Variants in TUBGCP3 observed in about 807,000 individuals in gnomAD.
The protein encoded by TUBGCP3 is gamma-tubulin complex component 3.
A neutral mutation model predicts 123.1 loss-of-function variants in TUBGCP3; 50 were observed. The observed-to-expected ratio is 0.41, with a 90% CI of 0.32 to 0.51. The LOEUF (loss-of-function observed/expected upper bound fraction) is 0.51. Ranked by LOEUF, TUBGCP3 falls within the 20% of genes least tolerant of loss-of-function variation. TUBGCP3 has a pLI of 0.36. For synonymous variants in TUBGCP3, 405 were observed against 413.9 expected (o/e 0.98, Z 0.26); for missense variants, 882 against 1,127.0 (o/e 0.78, Z 3.11).
At chr13:112,590,662 T>C (rs1229946314), upstream of TUBGCP3, among the ~76,000 whole-genome samples, 3 of 152,174 alleles carry the variant, frequency 2.0e-5, no homozygotes, top group South Asian at 2.1e-4. Context: ...TCAAGAACTT[T>C]ATAGCAACAG....
intron 11 of TUBGCP3, among the ~76,000 whole-genome samples, chr13:112,540,486 A>T (rs9604346): frequency 2.0e-5 from 2 of 97,622 alleles, no homozygotes; most frequent in South Asian, 3.6e-4. Context: ...CATTCAGGTG[A>T]TCTTGGGAAA....
intron 1 of TUBGCP3, among the ~76,000 whole-genome samples, chr13:112,577,600 A>G (rs1392015954): frequency 6.6e-6 from 1 of 152,204 alleles, no homozygotes; most frequent in Non-Finnish European, 1.5e-5. Context: ...GGAAATCTAA[A>G]TAACTATGGA....
chr13:112,540,844 G>C (rs1392363069), intron 11 of TUBGCP3, among the ~76,000 whole-genome samples: 2 of 152,224 alleles, frequency 1.3e-5, no homozygotes, highest in Admixed American at 1.3e-4. Flanking sequence ...TTGCCAATGA[G>C]GCAAGACCTG....
chr13:112,554,836 G>T, intron 7 of TUBGCP3, 51 bp downstream of exon 7: 2 of 1,349,076 alleles, frequency 1.5e-6, no homozygotes, highest in South Asian at 1.3e-5. Flanking sequence ...TGGACTTCAT[G>T]ACATGTTTTT....
intron 3 of TUBGCP3, among the ~76,000 whole-genome samples, chr13:112,562,373 T>C (rs1880587013): frequency 6.6e-6 from 1 of 152,136 alleles, no homozygotes; most frequent in Non-Finnish European, 1.5e-5. Context: ...ACCAGAGAGA[T>C]CAGGCTGGAG....
rs373650526 is a variant in TUBGCP3 at position 112,510,356 on chromosome 13, T to A, written c.2087-5642A>T. Among the ~76,000 whole-genome samples the A allele has an allele frequency of 1.4e-4, 21 of 152,320 alleles. No individual in the cohort carries two copies. The East Asian group carries it at 3.9e-3, about 28-fold the overall frequency. On this transcript the variant is annotated intron_variant, in intron 17 of 21. Transcript: ENST00000261965. ...TTTTTAGAAAAGACCTTAAAACAAT[T>A]TGTTCACAATTTCAAAATCACCTCC...
At chr13:112,568,535 G>A (rs1418118209) in intron 2 of TUBGCP3, among the ~76,000 whole-genome samples, 1 of 151,898 alleles carries the variant, frequency 6.6e-6, no homozygotes, top group East Asian at 1.9e-4. Flanking sequence ...CTTCTAGAAG[G>A]TGTTACTACT....
intron 14 of TUBGCP3, among the ~76,000 whole-genome samples, chr13:112,520,671 T>C (rs2139063916): frequency 6.6e-6 from 1 of 152,286 alleles, no homozygotes; most frequent in Non-Finnish European, 1.5e-5. Context: ...TTAGACCCAA[T>C]GGGAAGAGGA....
chr13:112,595,763 C>CT, the TUBGCP3 span, among the ~76,000 whole-genome samples: 1 of 151,832 alleles, frequency 6.6e-6, no homozygotes, highest in African/African-American at 2.4e-5. Flanking sequence ...CTTCTAATCT[C>CT]TATCTTCTAG....
At chr13:112,536,971 T>C (rs1216442707) in intron 11 of TUBGCP3, among the ~76,000 whole-genome samples, 1 of 152,010 alleles carries the variant, frequency 6.6e-6, no homozygotes, top group African/African-American at 2.4e-5. Flanking sequence ...GAGGAAGGTC[T>C]TGCTATGTTG....
upstream of TUBGCP3, among the ~76,000 whole-genome samples, chr13:112,592,510 C>T (rs1192435953): frequency 1.3e-5 from 2 of 152,176 alleles, no homozygotes; most frequent in African/African-American, 4.8e-5. This position sits in a 1 kb window ranked among gnomAD's most constrained non-coding sequence, Gnocchi z 4.1. Flanking sequence ...GTGAAGACAG[C>T]AGTGAAGGGA....
chr13:112,502,614 T>C (rs1346472248), intron 19 of TUBGCP3, among the ~76,000 whole-genome samples: 1 of 150,424 alleles, frequency 6.6e-6, no homozygotes, highest in East Asian at 2.0e-4. Flanking sequence ...GGCGCAATCT[T>C]GGCTCACTGC....
At chr13:112,531,357 G>T (rs781266794) in intron 11 of TUBGCP3, among the ~76,000 whole-genome samples, 40 of 152,184 alleles carry the variant, frequency 2.6e-4, no homozygotes, top group Non-Finnish European at 4.7e-4. Context: ...CCCTTCAGGG[G>T]TAAACAGCAG....
chr13:112,536,229 C>G (rs1861035271), intron 11 of TUBGCP3, among the ~76,000 whole-genome samples: 1 of 152,234 alleles, frequency 6.6e-6, no homozygotes, highest in African/African-American at 2.4e-5. Context: ...CCTCAGGGCC[C>G]CTTGTACTTC....
rs1291846223 is a variant in TUBGCP3, at chr13:112,580,086, A to C, written c.76+7819T>G. On this transcript the variant is annotated intron_variant, in intron 1 of 21. Coordinates refer to ENST00000261965, the MANE Select transcript of TUBGCP3 (RefSeq NM_006322.6). ...AAACAAGTCTCAAAACTTTTGACTG[A>C]ACACTGTATGACTGCATTTACGTGA... Among the ~76,000 whole-genome samples, 3 of 152,238 alleles carry C rather than the reference A, an allele frequency of 2.0e-5. No individual in the cohort carries two copies. The East Asian group carries it at 5.8e-4, about 29-fold the overall frequency.
chr13:112,548,776 C>G (rs955668514), intron 8 of TUBGCP3, among the ~76,000 whole-genome samples: 1 of 152,174 alleles, frequency 6.6e-6, no homozygotes, highest in Admixed American at 6.5e-5. Flanking sequence ...CAAATCAAAC[C>G]ACAATGAGAT....
intron 11 of TUBGCP3, among the ~76,000 whole-genome samples, chr13:112,529,195 T>C (rs150395755): frequency 2.6e-5 from 4 of 152,324 alleles, no homozygotes; most frequent in Non-Finnish European, 4.4e-5. Context: ...GGTATAATCC[T>C]GGCACACAGT....
chr13:112,574,077 A>T (rs1881623037), intron 1 of TUBGCP3, among the ~76,000 whole-genome samples: 1 of 147,620 alleles, frequency 6.8e-6, no homozygotes, highest in Admixed American at 6.7e-5. Flanking sequence ...TCAAGTGGGC[A>T]CTCTGAGCTC....
chr13:112,503,130 AC>A (rs1370525382), intron 19 of TUBGCP3, among the ~76,000 whole-genome samples: 1 of 152,168 alleles, frequency 6.6e-6, no homozygotes, highest in Non-Finnish European at 1.5e-5. Flanking sequence ...CCAGTCGGAA[AC>A]ATCCGTGAAG....
Sources: allele counts gnomAD v4.1 joint callset (sites outside exome capture counted in the v4.1 genomes callset), GRCh38; gene constraint gnomAD v4.1.1; non-coding constraint Gnocchi (gnomAD v3.1); transcripts MANE v1.5; gene names NCBI Gene and HGNC (gene_info 2026-07-23, HGNC 2026-07-21).